UNC5D: variants seen among roughly 807,000 people sequenced by gnomAD.
UNC5D encodes the protein netrin receptor UNC5D.
Under a neutral mutation model 105.4 loss-of-function variants are expected in UNC5D, and 39 were observed. The observed-to-expected ratio is 0.37, with a 90% CI of 0.29 to 0.48. The LOEUF is 0.48. Among genes scored for constraint, UNC5D ranks in the 20% least tolerant of loss-of-function variants. UNC5D has a pLI of 0.98. For missense variants in UNC5D, 991 were observed against 1,202.4 expected (o/e 0.82, Z 2.60); for synonymous variants, 452 against 450.4 (o/e 1.00, Z -0.04).
At chr8:35,564,924 A>C (rs1346814611) in intron 2 of UNC5D, among the ~76,000 whole-genome samples, 1 of 152,090 alleles carries the variant, frequency 6.6e-6, no homozygotes, top group Admixed American at 6.5e-5. Context: ...AAAATACATG[A>C]TTTCATTGTT....
At chr8:35,670,111 G>GAAAGA (rs978550145) in intron 4 of UNC5D, among the ~76,000 whole-genome samples, 6 of 152,006 alleles carry the variant, frequency 3.9e-5, no homozygotes, top group Non-Finnish European at 8.8e-5. Context: ...GTGGGAGGAG[G>GAAAGA]AAAGAATATA....
At chr8:35,497,039 T>C (rs1056993253) in intron 1 of UNC5D, among the ~76,000 whole-genome samples, 1 of 152,174 alleles carries the variant, frequency 6.6e-6, no homozygotes, top group Admixed American at 6.5e-5. Context: ...ATACCTTTTA[T>C]ATGACCCAGA....
chr8:35,298,681 T>A (rs1397670672), intron 1 of UNC5D, among the ~76,000 whole-genome samples: 2 of 144,780 alleles, frequency 1.4e-5, no homozygotes, highest in Non-Finnish European at 3.0e-5. Context: ...ATGTGTTCAA[T>A]AGCAGTAGAG....
chr8:35,676,338 C>T (rs1825218147), intron 4 of UNC5D, among the ~76,000 whole-genome samples: 1 of 152,156 alleles, frequency 6.6e-6, no homozygotes, highest in Admixed American at 6.5e-5. Context: ...ATGTTCTGAA[C>T]TGGGATTATC....
In UNC5D at chr8:35,683,543, G is replaced by A. The variant is rs746473738; in HGVS notation, c.571-4G>A. 1.3e-6 allele frequency: 2 copies of A among 1,554,952 alleles called. No individual in the cohort carries two copies. The highest frequency in any genetic ancestry group is 1.4e-5 in the African/African-American group (1 of 70,956). On this transcript the variant is annotated splice_polypyrimidine_tract_variant and splice_region_variant and intron_variant, in intron 4 of 16. Coordinates refer to ENST00000404895, the MANE Select transcript of UNC5D (RefSeq NM_080872.4). ...GACTTGTAAACATTCCTTTCTTCCT[G>A]TAGGTGGAATGGCTGAAAAATGAAG...
intron 2 of UNC5D, among the ~76,000 whole-genome samples, chr8:35,558,976 T>A (rs1816741778): frequency 6.6e-6 from 1 of 151,986 alleles, no homozygotes; most frequent in Non-Finnish European, 1.5e-5. Flanking sequence ...AACAAGACTC[T>A]GTCTCCAGGG....
At chr8:35,756,125 A>C (rs1830507399) in intron 13 of UNC5D, among the ~76,000 whole-genome samples, 1 of 152,202 alleles carries the variant, frequency 6.6e-6, no homozygotes, top group African/African-American at 2.4e-5. Flanking sequence ...AAATTTATAA[A>C]TACAATTATT....
At chr8:35,517,610 T>C (rs546951403) in intron 1 of UNC5D, among the ~76,000 whole-genome samples, 1 of 152,096 alleles carries the variant, frequency 6.6e-6, no homozygotes, top group Non-Finnish European at 1.5e-5. Context: ...GAGTGCCCAA[T>C]TTTCAGAGTT....
intron 1 of UNC5D, among the ~76,000 whole-genome samples, chr8:35,419,976 G>T (rs1403647917): frequency 6.6e-6 from 1 of 152,112 alleles, no homozygotes; most frequent in African/African-American, 2.4e-5. Context: ...GCTGAGTCTG[G>T]GGGTTTTTAT....
intron 16 of UNC5D, among the ~76,000 whole-genome samples, chr8:35,789,759 A>T (rs1490431505): frequency 2.0e-5 from 3 of 152,180 alleles, no homozygotes; most frequent in Non-Finnish European, 4.4e-5. Flanking sequence ...AACAACAAGA[A>T]ATCAAAGGTA....
intron 1 of UNC5D, among the ~76,000 whole-genome samples, chr8:35,241,724 A>G (rs369149390): frequency 1.2e-3 from 189 of 152,034 alleles, no homozygotes; most frequent in Non-Finnish European, 2.4e-3. Context: ...ACATGTACAT[A>G]GTTTTGGGGT....
At chr8:35,661,856 C>G (rs1331880498) in intron 4 of UNC5D, among the ~76,000 whole-genome samples, 1 of 152,128 alleles carries the variant, frequency 6.6e-6, no homozygotes, top group East Asian at 1.9e-4. Flanking sequence ...GCACAGGCTT[C>G]CTTTCTTAGA....
chr8:35,349,346 T>C (rs1253672299), intron 1 of UNC5D, among the ~76,000 whole-genome samples: 3 of 152,032 alleles, frequency 2.0e-5, no homozygotes, highest in Admixed American at 6.6e-5. Context: ...CTTCAAACAA[T>C]GATCAATTAG....
At chr8:35,634,208 A>G (rs1275707721) in intron 4 of UNC5D, among the ~76,000 whole-genome samples, 1 of 152,212 alleles carries the variant, frequency 6.6e-6, no homozygotes, top group African/African-American at 2.4e-5. Context: ...AACCTTAGGC[A>G]TTTTGTTTGC....
chr8:35,669,082 G>A (rs1346593041), intron 4 of UNC5D, among the ~76,000 whole-genome samples: 1 of 151,956 alleles, frequency 6.6e-6, no homozygotes, highest in Non-Finnish European at 1.5e-5. Context: ...TCTGTCTATA[G>A]TTTCTGATAG....
intron 8 of UNC5D, among the ~76,000 whole-genome samples, chr8:35,712,036 G>T (rs1332984789): frequency 6.6e-6 from 1 of 152,172 alleles, no homozygotes. Context: ...ACTTTGGGAG[G>T]CCAAGGTGGG....
intron 1 of UNC5D, among the ~76,000 whole-genome samples, chr8:35,341,109 C>T (rs907775405): frequency 6.6e-6 from 1 of 152,060 alleles, no homozygotes; most frequent in African/African-American, 2.4e-5. Context: ...AGCTAAATCA[C>T]AAAGATATCA....
chr8:35,672,109 C>T (rs576903349), intron 4 of UNC5D, among the ~76,000 whole-genome samples: 3 of 152,084 alleles, frequency 2.0e-5, no homozygotes, highest in South Asian at 2.1e-4. Context: ...ATGTATGATA[C>T]GTGTCTGTGT....
chr8:35,238,684 G>A (rs1802619835), intron 1 of UNC5D, among the ~76,000 whole-genome samples: 1 of 152,148 alleles, frequency 6.6e-6, no homozygotes, highest in Non-Finnish European at 1.5e-5. Context: ...TAAAGGCAGA[G>A]AGGAAGATAA....
Sources: allele counts gnomAD v4.1 joint callset (sites outside exome capture counted in the v4.1 genomes callset), GRCh38; gene constraint gnomAD v4.1.1; transcripts MANE v1.5; gene names NCBI Gene and HGNC (gene_info 2026-07-23, HGNC 2026-07-21).